GAP43: variants seen among roughly 807,000 people sequenced by gnomAD.
GAP43 encodes growth associated protein 43.
Under a neutral mutation model 18.6 loss-of-function variants are expected in GAP43, and 6 were observed. That is an observed-to-expected ratio of 0.32 (90% confidence interval 0.18 to 0.64). The LOEUF (loss-of-function observed/expected upper bound fraction) is 0.64. Ranked by LOEUF, GAP43 falls within the 30% of genes least tolerant of loss-of-function variation. The probability of loss-of-function intolerance (pLI) is 0.78; values close to 1 mark genes in which losing one functional copy is unlikely to be tolerated. For synonymous variants in GAP43, 115 were observed against 111.4 expected (o/e 1.03, Z -0.20); for missense variants, 292 against 295.5 (o/e 0.99, Z 0.09).
chr3:115,717,610 G>T (rs1577005381), intron 2 of GAP43, among the ~76,000 whole-genome samples: 1 of 150,482 alleles, frequency 6.6e-6, no homozygotes, highest in East Asian at 2.0e-4. Flanking sequence ...CACCCAGCCT[G>T]AATTTTATTG....
chr3:115,678,785 G>A (rs1051957118), intron 2 of GAP43, among the ~76,000 whole-genome samples: 1 of 151,932 alleles, frequency 6.6e-6, no homozygotes, highest in Non-Finnish European at 1.5e-5. Flanking sequence ...AGTTCAACTT[G>A]AAGGTAATCA....
At chr3:115,695,898 C>T (rs1459813329) in intron 2 of GAP43, among the ~76,000 whole-genome samples, 1 of 152,164 alleles carries the variant, frequency 6.6e-6, no homozygotes, top group African/African-American at 2.4e-5. Flanking sequence ...CATGATTGCT[C>T]GTCCAGGATG....
At chr3:115,627,381 T>G (rs1708203532) in intron 1 of GAP43, among the ~76,000 whole-genome samples, 1 of 151,760 alleles carries the variant, frequency 6.6e-6, no homozygotes, top group Admixed American at 6.6e-5. Context: ...TCTTTCTTGC[T>G]GAGCTGGCAA....
intron 1 of GAP43, among the ~76,000 whole-genome samples, chr3:115,635,428 A>T (rs1708315866): frequency 6.6e-6 from 1 of 152,146 alleles, no homozygotes; most frequent in South Asian, 2.1e-4. Context: ...TTGCTTACAC[A>T]TTCTTTCTTC....
chr3:115,637,406 C>T (rs1467952546), intron 1 of GAP43, among the ~76,000 whole-genome samples: 3 of 152,072 alleles, frequency 2.0e-5, no homozygotes, highest in Non-Finnish European at 4.4e-5. Flanking sequence ...CATTACCTCT[C>T]TGGGACATTT....
At chr3:115,693,946 C>T (rs780320733) in intron 2 of GAP43, among the ~76,000 whole-genome samples, 1 of 152,112 alleles carries the variant, frequency 6.6e-6, no homozygotes, top group African/African-American at 2.4e-5. Context: ...GCAGGCTCCA[C>T]GAATCCCCAA....
intron 2 of GAP43, among the ~76,000 whole-genome samples, chr3:115,707,724 G>T (rs1709382438): frequency 6.6e-6 from 1 of 152,016 alleles, no homozygotes; most frequent in Non-Finnish European, 1.5e-5. Flanking sequence ...TGAAGACTTG[G>T]TTATAAAATT....
intron 2 of GAP43, among the ~76,000 whole-genome samples, chr3:115,720,306 T>C (rs1320805923): frequency 1.3e-5 from 2 of 152,186 alleles, no homozygotes; most frequent in Non-Finnish European, 2.9e-5. Flanking sequence ...TCTATATAAT[T>C]GACTAGCACT....
intron 1 of GAP43, among the ~76,000 whole-genome samples, chr3:115,655,255 A>G (rs1708565735): frequency 6.6e-6 from 1 of 152,226 alleles, no homozygotes; most frequent in Non-Finnish European, 1.5e-5. Context: ...TCTGGCAGGG[A>G]TCAGGGTTCC....
At chr3:115,661,831 C>CTTTTTTTTTTTTTTTTTTTTTTTTTTTTT (rs56209932) in intron 1 of GAP43, among the ~76,000 whole-genome samples, 1 of 105,968 alleles carries the variant, frequency 9.4e-6, no homozygotes, top group African/African-American at 4.1e-5. Context: ...GAAACTAGGG[C>CTTTTTTTTTTTTTTTTTTTTTTTTTTTTT]TTTTTTTTTT....
chr3:115,623,781 G>C, intron 1 of GAP43, 62 bp downstream of exon 1: 1 of 1,589,548 alleles, frequency 6.3e-7, no homozygotes, highest in Non-Finnish European at 8.6e-7. Context: ...GTATTTCCCC[G>C]TAAAGGCAAA....
At chr3:115,667,045 T>A (rs1167190320) in intron 1 of GAP43, among the ~76,000 whole-genome samples, 1 of 152,162 alleles carries the variant, frequency 6.6e-6, no homozygotes, top group African/African-American at 2.4e-5. Context: ...GCCAGTGAGC[T>A]GAGTGTTCAC....
chr3:115,682,302 C>A (rs1267533632), intron 2 of GAP43, among the ~76,000 whole-genome samples: 1 of 152,106 alleles, frequency 6.6e-6, no homozygotes, highest in East Asian at 1.9e-4. Flanking sequence ...TCAAATACAT[C>A]AGTTATGCCA....
Position 115,711,658 on chromosome 3 carries a change from G to A in GAP43, c.629-9136G>A, listed in dbSNP as rs77360712. Among the ~76,000 whole-genome samples, 931 of 152,182 alleles carry A rather than the reference G, an allele frequency of 6.1e-3. 8 individuals are homozygous for A. The highest frequency in any genetic ancestry group is 0.021 in the African/African-American group (891 of 41,524). The stretch of plus-strand genomic sequence containing the variant: ...TTTCTCAGTGCCATTGGAACCATCA[G>A]TGTTTATCTTTAGGCTGACTCTGCA... On this transcript the variant is annotated intron_variant, in intron 2 of 2. Coordinates refer to ENST00000305124, the MANE Select transcript of GAP43 (RefSeq NM_002045.4).
chr3:115,649,882 C>T (rs1008003556), intron 1 of GAP43, among the ~76,000 whole-genome samples: 7 of 151,910 alleles, frequency 4.6e-5, no homozygotes, highest in African/African-American at 1.7e-4. Flanking sequence ...AAACCCTCCC[C>T]TCTTTTTTCC....
intron 2 of GAP43, among the ~76,000 whole-genome samples, chr3:115,709,052 G>A (rs1313906433): frequency 2.0e-5 from 3 of 148,300 alleles, no homozygotes; most frequent in Non-Finnish European, 4.4e-5. Flanking sequence ...TTAAATGCTA[G>A]TAGTTTAAAT....
intron 2 of GAP43, among the ~76,000 whole-genome samples, chr3:115,677,952 T>C (rs901427757): frequency 1.3e-5 from 2 of 152,258 alleles, no homozygotes; most frequent in African/African-American, 4.8e-5. Context: ...ATGAATATGA[T>C]GCCAGATTAT....
intron 2 of GAP43, among the ~76,000 whole-genome samples, chr3:115,715,476 T>C (rs1009994074): frequency 5.3e-4 from 81 of 152,268 alleles, no homozygotes; most frequent in African/African-American, 1.9e-3. Context: ...CCTTCCTAAG[T>C]AATAACTGTC....
At chr3:115,645,036 C>T (rs909208518) in intron 1 of GAP43, among the ~76,000 whole-genome samples, 4 of 151,940 alleles carry the variant, frequency 2.6e-5, no homozygotes, top group African/African-American at 9.7e-5. Context: ...GTATTGTTGG[C>T]CCCTATATCA....
Sources: gnomAD v4.1 joint callset for allele counts (sites outside exome capture counted in the v4.1 genomes callset) on GRCh38, gnomAD v4.1.1 for gene constraint, MANE v1.5 for transcripts, NCBI Gene and HGNC (gene_info 2026-07-23, HGNC 2026-07-21) for gene names.